The following KMT2C variants were observed in gnomAD, a reference collection of about 807,000 sequenced individuals.
KMT2C encodes the protein histone-lysine N-methyltransferase 2C.
In KMT2C, 88 loss-of-function variants were observed where a neutral mutation model predicts 507.9. The ratio of observed to expected loss-of-function variants is 0.17; its 90% CI spans 0.15 to 0.21. The LOEUF (loss-of-function observed/expected upper bound fraction) is 0.21, where lower values mean the gene tolerates loss of function less well. Ranked by LOEUF, KMT2C falls within the 10% of genes least tolerant of loss-of-function variation. KMT2C has a pLI of 1.00. For missense variants in KMT2C, 4,954 were observed against 5,957.8 expected (o/e 0.83, Z 5.55); for synonymous variants, 2,049 against 2,080.8 (o/e 0.98, Z 0.42).
chr7:152,367,013 A>G (rs900665965), intron 1 of KMT2C: 1 of 589,370 alleles, frequency 1.7e-6, no homozygotes, highest in Admixed American at 3.0e-5. Context: ...GCCTCACCTG[A>G]GCCTGGGCTC....
At chr7:152,347,796 CTT>C (rs1366300647) in intron 2 of KMT2C, among the ~76,000 whole-genome samples, 3 of 151,996 alleles carry the variant, frequency 2.0e-5, no homozygotes, top group African/African-American at 7.3e-5. Flanking sequence ...TCATGCATAC[CTT>C]TTTCTTAATT....
At chr7:152,164,135 CTATACATAAAAAA>C (rs2092607714) in intron 42 of KMT2C, among the ~76,000 whole-genome samples, 1 of 152,000 alleles carries the variant, frequency 6.6e-6, no homozygotes, top group Admixed American at 6.6e-5. Flanking sequence ...ACTATTTATA[CTATACATAAAAAA>C]TATACAATAA....
intron 1 of KMT2C, among the ~76,000 whole-genome samples, 191 bp from the exon 2 acceptor site, chr7:152,358,866 T>G (rs991395587): frequency 6.6e-6 from 1 of 152,132 alleles, no homozygotes; most frequent in Non-Finnish European, 1.5e-5. Context: ...ATCCAGCACT[T>G]CCTTATACTC....
chr7:152,152,618 G>T (rs2129097240), intron 49 of KMT2C, 87 bp downstream of exon 49: 2 of 1,491,778 alleles, frequency 1.3e-6, no homozygotes, highest in Non-Finnish European at 1.8e-6. Context: ...CCTGTCCGTT[G>T]TTAAAAGATA....
At position 152,220,630 on chromosome 7, in the gene KMT2C, G is replaced by C. The variant is rs1480049834; in HGVS notation, c.3605C>G (p.Pro1202Arg). 2 of 1,611,760 alleles carry C rather than the reference G, an allele frequency of 1.2e-6. No homozygotes were observed. The highest frequency in any genetic ancestry group is 1.7e-6 in the Non-Finnish European group (2 of 1,179,714). ...ATTTATAATCTTCAATTTCAATTTT[G>C]GTTTTGACCGTTTTCTTCTTGGAAC... is the stretch of plus-strand genomic sequence containing the variant. ...VTVPRRKRSK[P>R]KLKLKIINQN... Residue 1202 changes from proline to arginine, a missense_variant, in exon 23 of 59, where the codon CCA (proline) becomes CGA (arginine). Physicochemically the swap from Pro to Arg is moderately radical, Grantham distance 103 (BLOSUM62 -2). This residue lies in a region of KMT2C where 176 missense variants were observed against 262.0 expected (regional missense o/e 0.67). Transcript: ENST00000262189.
intron 6 of KMT2C, among the ~76,000 whole-genome samples, chr7:152,295,289 C>T (rs1036477329): frequency 2.0e-5 from 3 of 152,178 alleles, no homozygotes; most frequent in Admixed American, 6.5e-5. Context: ...TTTAATACTG[C>T]TCTTCTTATT....
At chr7:152,336,187 T>C (rs1012075698) in intron 2 of KMT2C, among the ~76,000 whole-genome samples, 1 of 152,196 alleles carries the variant, frequency 6.6e-6, no homozygotes, top group Non-Finnish European at 1.5e-5. Context: ...ATAGCAGTAA[T>C]TCCTGCCACA....
At chr7:152,179,156 C>T (rs555886372) in intron 37 of KMT2C, among the ~76,000 whole-genome samples, 4 of 152,242 alleles carry the variant, frequency 2.6e-5, no homozygotes, top group South Asian at 2.1e-4. Flanking sequence ...CCGCCATAGC[C>T]GGCCAATTTT....
chr7:152,311,685 G>T, intron 5 of KMT2C, 113 bp downstream of exon 5: 2 of 756,006 alleles, frequency 2.6e-6, no homozygotes, highest in Non-Finnish European at 3.9e-6. Flanking sequence ...TTTATAGTAT[G>T]ATTATAATTA....
intron 6 of KMT2C, among the ~76,000 whole-genome samples, chr7:152,305,998 A>C (rs1203275553): frequency 3.3e-5 from 5 of 152,184 alleles, no homozygotes; most frequent in African/African-American, 1.2e-4. Flanking sequence ...CACATATTCA[A>C]ATTAACTCAT....
chr7:152,183,350 G>C (rs1351549538), intron 34 of KMT2C, among the ~76,000 whole-genome samples, 194 bp from the exon 35 acceptor site: 1 of 152,116 alleles, frequency 6.6e-6, no homozygotes, highest in African/African-American at 2.4e-5. Context: ...GTACCTATCA[G>C]TTGAGGATAT....
At chr7:152,257,443 A>G (rs1307617501) in intron 9 of KMT2C, among the ~76,000 whole-genome samples, 1 of 152,230 alleles carries the variant, frequency 6.6e-6, no homozygotes, top group East Asian at 1.9e-4. Flanking sequence ...AAAACTTCAT[A>G]TAGTATTGAG....
At chr7:152,328,266 A>C (rs780545616) in intron 3 of KMT2C, among the ~76,000 whole-genome samples, 18 of 152,174 alleles carry the variant, frequency 1.2e-4, no homozygotes, top group Non-Finnish European at 2.4e-4. Flanking sequence ...AGTATAACAA[A>C]CACCAGTGTG....
chr7:152,195,828 G>C, intron 28 of KMT2C, 79 bp downstream of exon 28: 2 of 736,784 alleles, frequency 2.7e-6, no homozygotes, highest in Non-Finnish European at 4.1e-6. Flanking sequence ...ACAGACAAAA[G>C]GCTAAACTTG....
In KMT2C at chr7:152,323,986, C is replaced by G. The variant is rs527986397; in HGVS notation, c.389+6615G>C. On this transcript the variant is annotated intron_variant, in intron 3 of 58. Transcript: ENST00000262189. ...ATATGTAGAATCTAAAAAAGTTGAA[C>G]TAAAAGAACCAGTAGTAGAGTGATG... Among the ~76,000 whole-genome samples the G allele has an allele frequency of 2.6e-3, 395 of 151,508 alleles. 7 individuals are homozygous for G. The highest frequency in any genetic ancestry group is 4.4e-3 in the Non-Finnish European group (297 of 67,822).
intron 42 of KMT2C, 41 bp from the exon 43 acceptor site, chr7:152,163,867 A>T (rs540467402): frequency 1.9e-6 from 3 of 1,573,766 alleles, no homozygotes; most frequent in East Asian, 4.5e-5. Flanking sequence ...TCTATACAGC[A>T]TAGGTACTGA....
At chr7:152,431,110 G>C (rs1327830816) in intron 1 of KMT2C, among the ~76,000 whole-genome samples, 1 of 152,132 alleles carries the variant, frequency 6.6e-6, no homozygotes, top group Admixed American at 6.6e-5. Context: ...TAAATCACAA[G>C]TGTCAGAATG....
At position 152,210,960 on chromosome 7, in the gene KMT2C, A is replaced by C. The variant is rs544088174; in HGVS notation, c.3713-3532T>G. Reference sequence around the variant, plus strand: ...AGCAGAATTCTGGAAAAACAGAGGGAATTGTTATCAATAATATAGTTCAAG... The same window carrying C: ...AGCAGAATTCTGGAAAAACAGAGGGCATTGTTATCAATAATATAGTTCAAG... On this transcript the variant is annotated intron_variant, in intron 23 of 58. Coordinates refer to ENST00000262189, the MANE Select transcript of KMT2C (RefSeq NM_170606.3). Among the ~76,000 whole-genome samples the C allele has an allele frequency of 5.8e-4, 88 of 152,318 alleles. 1 individual carries two copies. In the South Asian group the frequency reaches 0.018, roughly 31 times the overall value.
rs1563765807 is a variant in KMT2C, at chr7:152,297,003, A to AAGAAAGAAAGAAAGAAAG, written c.849+12945_849+12962dup. Among the ~76,000 whole-genome samples the AAGAAAGAAAGAAAGAAAG allele has an allele frequency of 2.3e-3, 149 of 63,634 alleles. 1 individual carries two copies. The highest frequency in any genetic ancestry group is 3.4e-3 in the South Asian group (6 of 1,758). The allele number at this position is 63,634 out of a possible 152,430, so 41.7% of individuals were successfully genotyped here. ...AAAAAGAAAGAAAGAAAGAAAAAGA[A>AAGAAAGAAAGAAAGAAAG]AGAAAGAAAGAAAGAAAGAAAGAAA... is the stretch of plus-strand genomic sequence containing the variant. On this transcript the variant is annotated intron_variant, in intron 6 of 58. Coordinates refer to ENST00000262189, the MANE Select transcript of KMT2C (RefSeq NM_170606.3).
Sources: gnomAD v4.1 joint callset for allele counts (sites outside exome capture counted in the v4.1 genomes callset) on GRCh38, gnomAD v4.1.1 for gene constraint, gnomAD v4.1.1 regional missense constraint, MANE v1.5 for transcripts, NCBI Gene and HGNC (gene_info 2026-07-23, HGNC 2026-07-21) for gene names.